The following TMEM132D variants were observed in gnomAD, a reference collection of about 807,000 sequenced individuals.
TMEM132D encodes the protein mature OL transmembrane protein.
In TMEM132D, 21 loss-of-function variants were observed where a neutral mutation model predicts 62.3. That is an observed-to-expected ratio of 0.34 (90% CI 0.24 to 0.49). TMEM132D has a LOEUF of 0.49. Ranked by LOEUF, TMEM132D falls within the 20% of genes least tolerant of loss-of-function variation. TMEM132D has a pLI of 0.99. For missense variants in TMEM132D, 1,346 were observed against 1,402.8 expected (o/e 0.96, Z 0.65); for synonymous variants, 621 against 575.6 (o/e 1.08, Z -1.13).
chr12:129,834,076 T>C (rs2167514), intron 1 of TMEM132D, among the ~76,000 whole-genome samples: 147,948 of 152,238 alleles, frequency 0.97, 72,012 homozygotes, highest in East Asian at 1. Flanking sequence ...GAGGCCCATC[T>C]GCTCCATAAG....
At chr12:129,221,602 G>A (rs1879347093) in intron 4 of TMEM132D, among the ~76,000 whole-genome samples, 1 of 152,104 alleles carries the variant, frequency 6.6e-6, no homozygotes, top group Non-Finnish European at 1.5e-5. Flanking sequence ...AGCTTGGGCA[G>A]GTCCAGCCTA....
intron 3 of TMEM132D, among the ~76,000 whole-genome samples, chr12:129,394,520 G>A (rs1871369214): frequency 6.6e-6 from 1 of 152,216 alleles, no homozygotes; most frequent in African/African-American, 2.4e-5. Flanking sequence ...ACGATTGTGA[G>A]GTTCCTGTGA....
intron 3 of TMEM132D, among the ~76,000 whole-genome samples, chr12:129,409,424 CTG>C (rs1172917059): frequency 1.3e-5 from 2 of 152,204 alleles, no homozygotes; most frequent in African/African-American, 4.8e-5. Context: ...GGACAAGCCT[CTG>C]ACGCACTTCT....
intron 1 of TMEM132D, among the ~76,000 whole-genome samples, chr12:129,826,887 C>G (rs1414377108): frequency 6.6e-6 from 1 of 152,186 alleles, no homozygotes; most frequent in Non-Finnish European, 1.5e-5. Flanking sequence ...AATCAAAACT[C>G]TGCTTTGACC....
intron 1 of TMEM132D, among the ~76,000 whole-genome samples, chr12:129,820,413 G>A (rs1037282096): frequency 1.5e-4 from 23 of 152,146 alleles, no homozygotes; most frequent in African/African-American, 5.6e-4. Flanking sequence ...GCAGAGCTAC[G>A]GCACAAGCCC....
At chr12:129,239,120 C>T (rs886248113) in intron 4 of TMEM132D, among the ~76,000 whole-genome samples, 10 of 150,038 alleles carry the variant, frequency 6.7e-5, no homozygotes, top group South Asian at 2.2e-4. Context: ...CTTGTTATTA[C>T]CCATTTGCAC....
Position 129,254,759 on chromosome 12 carries a change from A to G in TMEM132D, c.1300-45096T>C, listed in dbSNP as rs538788462. 2.2e-4 allele frequency among the ~76,000 whole-genome samples: 33 copies of G among 152,206 alleles called. 1 individual carries two copies. In the South Asian group the frequency reaches 6.9e-3, roughly 32 times the overall value. ...TGTTCCTCCTTTCTCATTTCCCCCCATAGCCTCATCCTCTTCTGATTTATA... is the reference window on the plus strand; with the variant it reads ...TGTTCCTCCTTTCTCATTTCCCCCCGTAGCCTCATCCTCTTCTGATTTATA... On this transcript the variant is annotated intron_variant, in intron 4 of 8. Transcript: ENST00000422113.
intron 1 of TMEM132D, among the ~76,000 whole-genome samples, chr12:129,851,645 C>T (rs1340541986): frequency 7.2e-5 from 11 of 152,096 alleles, no homozygotes; most frequent in Admixed American, 7.2e-4. Context: ...ATGTGTGCAC[C>T]CATGTTCACA....
chr12:129,634,564 T>C (rs540059412), intron 2 of TMEM132D, among the ~76,000 whole-genome samples: 3 of 152,224 alleles, frequency 2.0e-5, no homozygotes, highest in Admixed American at 6.5e-5. Context: ...CTTAATTGTA[T>C]CTAAATCTTA....
chr12:129,412,038 ACT>A lies in TMEM132D; in HGVS notation c.1116-74223_1116-74222del, dbSNP rs779485731. On this transcript the variant is annotated intron_variant, in intron 3 of 8. Coordinates refer to ENST00000422113, the MANE Select transcript of TMEM132D (RefSeq NM_133448.3). ...CACATTTTTTATTTTTTTGAAAATT[ACT>A]CTGTTACCAGTAATCTACATTAGAA... Among the ~76,000 whole-genome samples, 7 of 152,260 alleles carry A rather than the reference ACT, an allele frequency of 4.6e-5. No individual in the cohort carries two copies. The East Asian group carries it at 1.4e-3, about 29-fold the overall frequency.
rs141000935 is a variant in TMEM132D at position 129,733,194 on chromosome 12, T to C, written c.80-32496A>G. On this transcript the variant is annotated intron_variant, in intron 1 of 8. Transcript: ENST00000422113. ...AAGGGGTGTGGGAAGGCCCAGATTG[T>C]AGCCAGCTGAGTGGGAGTATGGGGG... Among the ~76,000 whole-genome samples the C allele has an allele frequency of 7.0e-3, 1,064 of 152,272 alleles. 10 individuals carry two copies. Among genetic ancestry groups the C allele is most frequent in the African/African-American group, 0.025 (1,029 of 41,558 alleles).
chr12:129,746,366 G>A (rs964049308), intron 1 of TMEM132D, among the ~76,000 whole-genome samples: 3 of 152,124 alleles, frequency 2.0e-5, no homozygotes, highest in East Asian at 3.9e-4. Context: ...TGAGAGGAAC[G>A]GCTTGTAAGG....
At chr12:129,899,232 G>A (rs1257836443) in intron 1 of TMEM132D, among the ~76,000 whole-genome samples, 1 of 144,872 alleles carries the variant, frequency 6.9e-6, no homozygotes, top group Non-Finnish European at 1.5e-5. Context: ...CAGATGGAAG[G>A]ATGGATGGAT....
At chr12:129,363,027 G>A (rs1870296250) in intron 3 of TMEM132D, among the ~76,000 whole-genome samples, 1 of 152,164 alleles carries the variant, frequency 6.6e-6, no homozygotes. Context: ...TGGCAACTCA[G>A]TGCTTCTTCA....
intron 1 of TMEM132D, among the ~76,000 whole-genome samples, chr12:129,783,924 A>G (rs749508147): frequency 6.6e-6 from 1 of 152,146 alleles, no homozygotes; most frequent in Admixed American, 6.6e-5. Context: ...CGATCATCAC[A>G]TCTTTGAGTA....
intron 1 of TMEM132D, among the ~76,000 whole-genome samples, chr12:129,823,204 T>G (rs982638511): frequency 1.3e-5 from 2 of 152,238 alleles, no homozygotes; most frequent in African/African-American, 4.8e-5. Context: ...ACTGCCATGC[T>G]TCCTGTACAA....
intron 4 of TMEM132D, among the ~76,000 whole-genome samples, chr12:129,256,353 T>C (rs936947225): frequency 3.3e-5 from 5 of 152,206 alleles, no homozygotes; most frequent in African/African-American, 1.2e-4. Context: ...AGTGATATAG[T>C]TGTGTTGTCT....
At chr12:129,658,513 AG>A (rs1880153134) in intron 2 of TMEM132D, among the ~76,000 whole-genome samples, 1 of 152,194 alleles carries the variant, frequency 6.6e-6, no homozygotes, top group Non-Finnish European at 1.5e-5. Context: ...GGTAGATTAA[AG>A]ATGGCTTCAA....
intron 2 of TMEM132D, among the ~76,000 whole-genome samples, chr12:129,537,174 A>AAAAAAAAAAAG (rs1876419249): frequency 6.6e-6 from 1 of 151,278 alleles, no homozygotes; most frequent in African/African-American, 2.4e-5. Flanking sequence ...AAAAAAAAAA[A>AAAAAAAAAAAG]TTCATATGCA....
Sources: gnomAD v4.1 joint callset for allele counts (sites outside exome capture counted in the v4.1 genomes callset) on GRCh38, gnomAD v4.1.1 for gene constraint, MANE v1.5 for transcripts, NCBI Gene and HGNC (gene_info 2026-07-23, HGNC 2026-07-21) for gene names.